The following PRDM6 variants were observed in gnomAD, a reference collection of about 807,000 sequenced individuals.
PRDM6 encodes putative histone-lysine N-methyltransferase PRDM6.
A neutral mutation model predicts 60.8 loss-of-function variants in PRDM6; 25 were observed. The observed-to-expected ratio is 0.41, with a 90% confidence interval of 0.30 to 0.57. PRDM6 has a LOEUF of 0.57. Ranked by LOEUF, PRDM6 falls within the 20% of genes least tolerant of loss-of-function variation. The pLI, the probability that PRDM6 is intolerant of heterozygous loss-of-function variation, is 0.27. For synonymous variants in PRDM6, 407 were observed against 357.4 expected (o/e 1.14, Z -1.57); for missense variants, 839 against 821.3 (o/e 1.02, Z -0.26).
At chr5:123,141,240 C>A (rs335159) in intron 3 of PRDM6, among the ~76,000 whole-genome samples, 123,186 of 151,816 alleles carry the variant, frequency 0.81, 50,498 homozygotes, top group African/African-American at 0.91. Context: ...ATATGATGTG[C>A]TGCAATGAGA....
chr5:123,137,385 C>T (rs1764983710), intron 3 of PRDM6, among the ~76,000 whole-genome samples: 1 of 152,164 alleles, frequency 6.6e-6, no homozygotes, highest in Non-Finnish European at 1.5e-5. Flanking sequence ...TCAGGAAGTC[C>T]TTAGAGCTTA....
intron 3 of PRDM6, among the ~76,000 whole-genome samples, chr5:123,120,363 T>A (rs913349917): frequency 1.3e-5 from 2 of 152,224 alleles, no homozygotes; most frequent in Non-Finnish European, 2.9e-5. Flanking sequence ...GGAAATGGTG[T>A]GATCATGATG....
rs78809342 is a variant in PRDM6 at position 123,119,126 on chromosome 5, T to G, written c.900+19165T>G. The stretch of plus-strand genomic sequence containing the variant: ...AAGTTGAATAATGCACTGGAGTGAC[T>G]GATGTGTAGTAGGTAGCATTAACTG... On this transcript the variant is annotated intron_variant, in intron 3 of 7. Coordinates refer to ENST00000407847, the MANE Select transcript of PRDM6 (RefSeq NM_001136239.4). Among the ~76,000 whole-genome samples the G allele has an allele frequency of 2.2e-3, 328 of 152,312 alleles. 2 individuals are homozygous for G. Among genetic ancestry groups the G allele is most frequent in the African/African-American group, 7.6e-3 (316 of 41,568 alleles).
rs1444526778 is a variant in PRDM6, at chr5:123,193,522, C to A, written c.*6321C>A. On this transcript the variant is annotated 3_prime_UTR_variant, in exon 8 of 8. Transcript: ENST00000407847. ...AGTACACTTCTCTAGTTTCTCCCAA[C>A]CTGGAGAAAATGTATAGCAAAAGCC... The A allele has an allele frequency of 2.6e-5, 4 of 152,118 alleles. No homozygotes were observed. Among genetic ancestry groups the A allele is most frequent in the Non-Finnish European group, 5.9e-5 (4 of 68,030 alleles). 9.4% of individuals were successfully genotyped at this position (152,118 alleles called of 1,614,324 possible).
intron 2 of PRDM6, among the ~76,000 whole-genome samples, chr5:123,094,567 G>A (rs1016198018): frequency 1.3e-5 from 2 of 152,124 alleles, no homozygotes; most frequent in Non-Finnish European, 2.9e-5. Context: ...ATTAGATTGA[G>A]GTTAGAAGAG....
intron 3 of PRDM6, among the ~76,000 whole-genome samples, chr5:123,142,877 C>CAAAAAAAAAAAAAAAAAAAAAAA: frequency 1.1e-4 from 3 of 27,368 alleles, no homozygotes; most frequent in Non-Finnish European, 1.9e-4. Flanking sequence ...CAGTGAAGAC[C>CAAAAAAAAAAAAAAAAAAAAAAA]AAAAAAAAAA....
At chr5:123,109,397 G>A (rs1000043147) in intron 3 of PRDM6, among the ~76,000 whole-genome samples, 18 of 151,956 alleles carry the variant, frequency 1.2e-4, no homozygotes, top group African/African-American at 2.7e-4. Flanking sequence ...ATTTTCCCCC[G>A]TTTTCAGTTC....
chr5:123,100,415 C>T (rs1167772570), intron 3 of PRDM6, among the ~76,000 whole-genome samples: 1 of 152,142 alleles, frequency 6.6e-6, no homozygotes, highest in Non-Finnish European at 1.5e-5. Flanking sequence ...CAGAAAGGAA[C>T]AGAAGCATAG....
At chr5:123,154,594 G>A (rs1009145735) in intron 3 of PRDM6, among the ~76,000 whole-genome samples, 4 of 152,078 alleles carry the variant, frequency 2.6e-5, no homozygotes, top group Admixed American at 2.0e-4. Flanking sequence ...CACTAAGCCC[G>A]TTTGCACCCC....
At chr5:123,133,632 A>G (rs1363861977) in intron 3 of PRDM6, among the ~76,000 whole-genome samples, 1 of 152,086 alleles carries the variant, frequency 6.6e-6, no homozygotes, top group Non-Finnish European at 1.5e-5. Flanking sequence ...TGTTGACAAG[A>G]TGATATACAC....
At chr5:123,149,570 A>T (rs986981487) in intron 3 of PRDM6, among the ~76,000 whole-genome samples, 1 of 152,196 alleles carries the variant, frequency 6.6e-6, no homozygotes. Context: ...TCAAAGGTAT[A>T]GTGGGTGCCT....
intron 3 of PRDM6, among the ~76,000 whole-genome samples, chr5:123,106,921 A>T (rs77651165): frequency 0.063 from 9,640 of 152,354 alleles, 328 homozygotes; most frequent in Middle Eastern, 0.12. Context: ...GACAACAAGC[A>T]CATTCCCTGA....
At chr5:123,129,320 G>A (rs1388585507) in intron 3 of PRDM6, among the ~76,000 whole-genome samples, 1 of 152,154 alleles carries the variant, frequency 6.6e-6, no homozygotes, top group Admixed American at 6.5e-5. Context: ...TAGCCTGATG[G>A]GGATAGCATT....
intron 3 of PRDM6, among the ~76,000 whole-genome samples, chr5:123,125,470 A>G (rs1264535960): frequency 6.6e-6 from 1 of 152,232 alleles, no homozygotes; most frequent in South Asian, 2.1e-4. Context: ...TGCGTAGCAC[A>G]GTTTATTTAT....
intron 2 of PRDM6, among the ~76,000 whole-genome samples, chr5:123,096,026 C>G (rs762740140): frequency 1.1e-3 from 121 of 106,982 alleles, no homozygotes; most frequent in Non-Finnish European, 2.0e-3. Flanking sequence ...TGCACTTGGC[C>G]TGGCCTTCTG....
At chr5:123,124,709 C>T (rs1399974539) in intron 3 of PRDM6, among the ~76,000 whole-genome samples, 1 of 152,112 alleles carries the variant, frequency 6.6e-6, no homozygotes, top group African/African-American at 2.4e-5. Context: ...ATTGCTGCAT[C>T]CGGAAAATTT....
At chr5:123,151,444 G>T (rs1378168337) in intron 3 of PRDM6, among the ~76,000 whole-genome samples, 2 of 152,188 alleles carry the variant, frequency 1.3e-5, no homozygotes, top group African/African-American at 4.8e-5. Flanking sequence ...ACTGAATGAG[G>T]TGAGGAAGGC....
chr5:123,118,634 C>T (rs1764510131), intron 3 of PRDM6, among the ~76,000 whole-genome samples: 1 of 152,194 alleles, frequency 6.6e-6, no homozygotes, highest in South Asian at 2.1e-4. Context: ...GACTGTCTTA[C>T]ACATGAGCTG....
intron 3 of PRDM6, 79 bp downstream of exon 3, chr5:123,100,040 G>A: frequency 7.2e-7 from 1 of 1,395,698 alleles, no homozygotes; most frequent in Non-Finnish European, 9.5e-7. Context: ...CAGGGAGCCT[G>A]GCCTTTGGCT....
Sources: gnomAD v4.1 joint callset for allele counts (sites outside exome capture counted in the v4.1 genomes callset) on GRCh38, gnomAD v4.1.1 for gene constraint, MANE v1.5 for transcripts, NCBI Gene and HGNC (gene_info 2026-07-23, HGNC 2026-07-21) for gene names.